Variants in ANLN observed in about 807,000 individuals in gnomAD.
The protein encoded by ANLN is anillin, actin binding protein.
In ANLN, 59 loss-of-function variants were observed where a neutral mutation model predicts 135.1. That is an observed-to-expected ratio of 0.44 (90% CI 0.35 to 0.54). The LOEUF (loss-of-function observed/expected upper bound fraction) is 0.54, where lower values mean the gene tolerates loss of function less well. ANLN is among the 20% of genes least tolerant of loss of function. The pLI is 0.00. For synonymous variants in ANLN, 406 were observed against 456.4 expected, an observed-to-expected ratio of 0.89 and a Z score of 1.41; for missense variants, 1,182 against 1,340.0, an observed-to-expected ratio of 0.88 and a Z score of 1.84.
At chr7:36,414,182 CGAG>C (rs1367728966) in intron 7 of ANLN, among the ~76,000 whole-genome samples, 1 of 152,036 alleles carries the variant, frequency 6.6e-6, no homozygotes, top group African/African-American at 2.4e-5. Flanking sequence ...GGTGCTGTGT[CGAG>C]GAGGGAACGG....
chr7:36,443,840 A>T lies in ANLN; in HGVS notation c.3056A>T (p.Tyr1019Phe), dbSNP rs1165114871. The T allele has an allele frequency of 6.2e-7, 1 of 1,610,012 alleles. No homozygotes were observed. The highest frequency in any genetic ancestry group is 2.2e-5 in the East Asian group (1 of 44,852). ...LSGNCISYWT[Y>F]PDDEKRKNPI... ...GGAAACTGTATATCTTATTGGACTT[A>T]TCCAGATGATGAGAAACGCAAGGTA... Residue 1019 changes from tyrosine (Y) to phenylalanine (F), a missense_variant, in exon 22 of 24, where the codon TAT becomes TTT. Around this residue, in one of 3 missense-constraint regions of ANLN, gnomAD observed 82 missense variants for 133.3 expected, o/e 0.62. Coordinates refer to ENST00000265748, the MANE Select transcript of ANLN (RefSeq NM_018685.5).
chr7:36,390,128 C>A, intron 1 of ANLN, 84 bp downstream of exon 1: 1 of 1,601,002 alleles, frequency 6.2e-7, no homozygotes, highest in Non-Finnish European at 8.5e-7. Context: ...CTGGGCGAAC[C>A]CCCACCGGGC....
chr7:36,412,323 ATATAT>A (rs1562795970), intron 7 of ANLN, among the ~76,000 whole-genome samples: 2 of 117,708 alleles, frequency 1.7e-5, no homozygotes, highest in Non-Finnish European at 3.5e-5. Context: ...ATATATATAT[ATATAT>A]TTTTTTTTTT....
chr7:36,449,451 G>C (rs1225394692), intron 22 of ANLN: 1 of 410,786 alleles, frequency 2.4e-6, no homozygotes, highest in Non-Finnish European at 4.3e-6. Context: ...TAGTTGGCAA[G>C]AGCTACCAGT....
chr7:36,423,732 C>T, intron 14 of ANLN, 85 bp from the exon 15 acceptor site: 1 of 1,270,034 alleles, frequency 7.9e-7, no homozygotes. Context: ...TTCAATATTC[C>T]TTTATTTCTT....
chr7:36,402,688 A>T (rs1283586728), intron 3 of ANLN, among the ~76,000 whole-genome samples: 1 of 152,122 alleles, frequency 6.6e-6, no homozygotes, highest in African/African-American at 2.4e-5. Context: ...CCAGAATAGG[A>T]TCTACTTATA....
chr7:36,402,643 T>G (rs568562998), intron 3 of ANLN, among the ~76,000 whole-genome samples: 18 of 152,210 alleles, frequency 1.2e-4, no homozygotes, highest in African/African-American at 4.1e-4. Context: ...GGAAAAAAAA[T>G]GTAACTCTTG....
intron 21 of ANLN, among the ~76,000 whole-genome samples, chr7:36,441,827 CT>C (rs1788784792): frequency 6.6e-6 from 1 of 152,150 alleles, no homozygotes; most frequent in Non-Finnish European, 1.5e-5. Flanking sequence ...CAGGAGGGAG[CT>C]GGTGAGTGAT....
intron 22 of ANLN, among the ~76,000 whole-genome samples, chr7:36,448,485 C>G (rs184865585): frequency 7.8e-4 from 119 of 152,200 alleles, no homozygotes; most frequent in Non-Finnish European, 7.5e-4. Context: ...AAGCAAATAC[C>G]AGAATTTATA....
intron 6 of ANLN, 44 bp from the exon 7 acceptor site, chr7:36,411,015 A>C: frequency 6.6e-7 from 1 of 1,518,964 alleles, no homozygotes; most frequent in Non-Finnish European, 8.9e-7. Flanking sequence ...GATGTTAAAC[A>C]TGCTACCGGC....
chr7:36,420,769 TTTGGA>T lies in ANLN; in HGVS notation c.2163+26_2163+30del, dbSNP rs777438088. 3 of 1,612,082 alleles carry T rather than the reference TTTGGA, an allele frequency of 1.9e-6. No individual in the cohort carries two copies. The South Asian group carries it at 3.3e-5, about 18-fold the overall frequency. On this transcript the variant is annotated intron_variant, in intron 12 of 23. Coordinates refer to ENST00000265748, the MANE Select transcript of ANLN (RefSeq NM_018685.5). ...GGTATGTACTTTTGTGGAAAGGGGC[TTTGGA>T]ATGTTTCTTGCACTAGGCTGTGAGC...
intron 1 of ANLN, chr7:36,390,448 G>A: frequency 4.3e-6 from 1 of 231,208 alleles, no homozygotes; most frequent in Non-Finnish European, 8.5e-6. Context: ...TGCGGCTGCC[G>A]CCGGGAAAGG....
chr7:36,394,523 AAGGTC>A (rs1786615947), intron 1 of ANLN, among the ~76,000 whole-genome samples: 1 of 152,094 alleles, frequency 6.6e-6, no homozygotes, highest in African/African-American at 2.4e-5. Context: ...TTAGCGGGTG[AAGGTC>A]TTGTATTTTG....
At position 36,406,242 on chromosome 7, in the gene ANLN, T is replaced by TC; in HGVS notation, c.552dup (p.Arg185GlnfsTer31). 2 of 1,613,868 alleles carry TC rather than the reference T, an allele frequency of 1.2e-6. No homozygotes were observed. The highest frequency in any genetic ancestry group is 1.7e-6 in the Non-Finnish European group (2 of 1,179,758). ...CATCAGAGGAAAAGGCTGCTTCCCCTCCCAGACCTCTGCTTTCAAATGCCT... is the reference window on the plus strand; with the variant it reads ...CATCAGAGGAAAAGGCTGCTTCCCCTCCCCAGACCTCTGCTTTCAAATGCCT... On this transcript the variant is annotated frameshift_variant, in exon 4 of 24. Coordinates refer to ENST00000265748, the MANE Select transcript of ANLN (RefSeq NM_018685.5). LOFTEE classifies it high-confidence loss of function.
rs200742993 is a variant in ANLN at position 36,425,997 on chromosome 7, CTT to C, written c.2749-4_2749-3del. ...AATAACTTATGTTTCTTCTTCACACCTTTTTTTTTTTTTTTAGAAAAGCAACA... is the reference window on the plus strand; with the variant it reads ...AATAACTTATGTTTCTTCTTCACACCTTTTTTTTTTTTTAGAAAAGCAACA... On this transcript the variant is annotated splice_polypyrimidine_tract_variant and intron_variant, in intron 18 of 23. Coordinates refer to ENST00000265748, the MANE Select transcript of ANLN (RefSeq NM_018685.5). 22,709 of 1,296,558 alleles carry C rather than the reference CTT, an allele frequency of 0.018. No individual in the cohort carries two copies. Among genetic ancestry groups the C allele is most frequent in the South Asian group, 0.022 (1,402 of 64,466 alleles). The allele number at this position is 1,296,558 out of a possible 1,614,324, so 80.3% of individuals were successfully genotyped here. A position where few individuals can be genotyped will look rare whatever the true frequency, so the allele number is the denominator to read the frequency against.
rs556343364 is a variant in ANLN, at chr7:36,404,706, T to C, written c.488-1475T>C. ...ATTGCCAGCACCACTGCTACTGCTC[T>C]TGTGCTTTGGGGACATCATTAGGGC... On this transcript the variant is annotated intron_variant, in intron 3 of 23. Transcript: ENST00000265748. 6.6e-5 allele frequency among the ~76,000 whole-genome samples: 10 copies of C among 152,318 alleles called. No homozygotes were observed. The East Asian group carries it at 1.9e-3, about 29-fold the overall frequency.
rs1378978677 is a variant in ANLN at position 36,419,876 on chromosome 7, CTA to C, written c.1870-292_1870-291del. The stretch of plus-strand genomic sequence containing the variant: ...GGTAGTTAGCTCCAAACACATGTAA[CTA>C]ACATTTAGTTACAGCTAACTGCTGT... On this transcript the variant is annotated intron_variant, in intron 10 of 23. Coordinates refer to ENST00000265748, the MANE Select transcript of ANLN (RefSeq NM_018685.5). Among the ~76,000 whole-genome samples the C allele has an allele frequency of 1.1e-4, 17 of 152,298 alleles. No individual in the cohort carries two copies. In the South Asian group the frequency reaches 3.5e-3, roughly 32 times the overall value.
At chr7:36,403,140 A>G (rs1250206026) in intron 3 of ANLN, among the ~76,000 whole-genome samples, 1 of 152,090 alleles carries the variant, frequency 6.6e-6, no homozygotes, top group African/African-American at 2.4e-5. Flanking sequence ...ATAATATAAT[A>G]TAATCTAGGT....
At chr7:36,425,348 G>A (rs911373615) in intron 17 of ANLN, among the ~76,000 whole-genome samples, 7 of 143,848 alleles carry the variant, frequency 4.9e-5, no homozygotes, top group Non-Finnish European at 9.0e-5. Flanking sequence ...AGACTGGAGT[G>A]CAGTGGCGTG....
Sources: allele counts gnomAD v4.1 joint callset (sites outside exome capture counted in the v4.1 genomes callset), GRCh38; gene constraint gnomAD v4.1.1; regional missense constraint gnomAD v4.1.1; transcripts MANE v1.5; gene names NCBI Gene and HGNC (gene_info 2026-07-23, HGNC 2026-07-21).